The following DCC variants were observed in gnomAD, a reference collection of about 807,000 sequenced individuals.
DCC encodes the protein DCC netrin 1 receptor, also known as netrin receptor DCC.
DCC carries 58 observed loss-of-function variants against 172.5 expected under a neutral mutation model. That is an observed-to-expected ratio of 0.34 (90% CI 0.27 to 0.42). DCC has a LOEUF of 0.42. Among genes scored for constraint, DCC ranks in the 10% least tolerant of loss-of-function variants. DCC has a pLI of 1.00. For missense variants in DCC, 1,740 were observed against 1,791.0 expected (o/e 0.97, Z 0.51); for synonymous variants, 709 against 644.5 (o/e 1.10, Z -1.52).
intron 27 of DCC, among the ~76,000 whole-genome samples, chr18:53,516,114 GGAACAGAACAGAGCC>G (rs2046331217): frequency 6.7e-6 from 1 of 149,482 alleles, no homozygotes; most frequent in Non-Finnish European, 1.5e-5. Flanking sequence ...ATAGATCAAT[GGAACAGAACAGAGCC>G]CTCAGAAATA....
At chr18:53,066,351 G>GTA (rs2042566920) in intron 7 of DCC, among the ~76,000 whole-genome samples, 185 bp downstream of exon 7, 1 of 90,128 alleles carries the variant, frequency 1.1e-5, no homozygotes. Context: ...GTGTACATGT[G>GTA]TGTATATATA....
chr18:52,374,994 A>C (rs763175581), intron 1 of DCC, among the ~76,000 whole-genome samples: 6 of 152,298 alleles, frequency 3.9e-5, no homozygotes, highest in Admixed American at 3.9e-4. Flanking sequence ...ACTTGTCTAC[A>C]TGTCATTGCC....
intron 2 of DCC, among the ~76,000 whole-genome samples, chr18:52,788,973 C>T (rs2037711165): frequency 6.6e-6 from 1 of 152,080 alleles, no homozygotes; most frequent in South Asian, 2.1e-4. Flanking sequence ...ATTCTTATCT[C>T]TTGGGGGAGT....
intron 27 of DCC, among the ~76,000 whole-genome samples, chr18:53,503,837 A>ATATT (rs1467071138): frequency 6.6e-6 from 1 of 152,142 alleles, no homozygotes; most frequent in African/African-American, 2.4e-5. Flanking sequence ...CATAAGCACT[A>ATATT]TATTTTCCTT....
intron 1 of DCC, among the ~76,000 whole-genome samples, chr18:52,396,763 G>C (rs1986246201): frequency 6.6e-6 from 1 of 152,036 alleles, no homozygotes; most frequent in South Asian, 2.1e-4. Flanking sequence ...GTTGAACCTA[G>C]AGTTGATTCA....
intron 1 of DCC, among the ~76,000 whole-genome samples, chr18:52,706,042 A>G (rs2036204468): frequency 6.6e-6 from 1 of 152,186 alleles, no homozygotes; most frequent in Admixed American, 6.5e-5. Flanking sequence ...TGCTGACAGC[A>G]TTGTAGAAAC....
intron 1 of DCC, among the ~76,000 whole-genome samples, chr18:52,462,874 C>T (rs188772961): frequency 6.3e-5 from 9 of 142,106 alleles, no homozygotes; most frequent in East Asian, 4.1e-4. Flanking sequence ...GAATGAATGA[C>T]GGAAATGTCC....
At chr18:53,202,449 A>C (rs2055553408) in intron 9 of DCC, among the ~76,000 whole-genome samples, 1 of 152,192 alleles carries the variant, frequency 6.6e-6, no homozygotes, top group Non-Finnish European at 1.5e-5. Context: ...TTTTGCTTAT[A>C]GTCAAATGCT....
intron 1 of DCC, among the ~76,000 whole-genome samples, chr18:52,750,782 T>C (rs2036982383): frequency 6.6e-6 from 1 of 152,118 alleles, no homozygotes; most frequent in African/African-American, 2.4e-5. Flanking sequence ...TTACCTGCAA[T>C]TTAGATGCCT....
At chr18:52,938,271 A>G (rs2040410203) in intron 5 of DCC, among the ~76,000 whole-genome samples, 1 of 152,120 alleles carries the variant, frequency 6.6e-6, no homozygotes, top group African/African-American at 2.4e-5. Context: ...AGACATTAGA[A>G]CTTAATTAAG....
chr18:53,311,944 C>T (rs1464900737), intron 13 of DCC, among the ~76,000 whole-genome samples: 1 of 151,972 alleles, frequency 6.6e-6, no homozygotes, highest in Non-Finnish European at 1.5e-5. Flanking sequence ...GTGATTGTAT[C>T]AGTATTAAAA....
chr18:52,867,418 C>G (rs931440275), intron 2 of DCC, among the ~76,000 whole-genome samples: 1 of 152,162 alleles, frequency 6.6e-6, no homozygotes, highest in East Asian at 1.9e-4. Context: ...AAGATTCCCT[C>G]TTTTTCAATT....
chr18:52,783,016 CAA>C (rs2145189611), intron 2 of DCC, among the ~76,000 whole-genome samples: 1 of 152,130 alleles, frequency 6.6e-6, no homozygotes, highest in African/African-American at 2.4e-5. Context: ...AAGCTAAAAA[CAA>C]GAGATCATAC....
chr18:52,651,877 A>C (rs1297737115), intron 1 of DCC, among the ~76,000 whole-genome samples: 1 of 152,186 alleles, frequency 6.6e-6, no homozygotes, highest in Non-Finnish European at 1.5e-5. Context: ...GGAAGAAATT[A>C]ACTGGTTTAG....
chr18:53,384,044 T>G (rs1907963696), intron 15 of DCC, among the ~76,000 whole-genome samples: 1 of 152,174 alleles, frequency 6.6e-6, no homozygotes, highest in Non-Finnish European at 1.5e-5. Flanking sequence ...TAAAATATCT[T>G]TCCTTTAACT....
intron 1 of DCC, among the ~76,000 whole-genome samples, chr18:52,466,587 A>G (rs1988791388): frequency 6.6e-6 from 1 of 152,108 alleles, no homozygotes; most frequent in Non-Finnish European, 1.5e-5. Context: ...CTCTCAAAAG[A>G]TTTGCTGACC....
chr18:53,219,531 G>GCATTTAAATT (rs2055899993), intron 12 of DCC, among the ~76,000 whole-genome samples: 1 of 152,010 alleles, frequency 6.6e-6, no homozygotes, highest in Non-Finnish European at 1.5e-5. Flanking sequence ...GCAAATTGAT[G>GCATTTAAATT]GATTCCTCTC....
At chr18:53,351,437 TACAGTGTATATATATATATACAC>T (rs2057807945) in intron 15 of DCC, among the ~76,000 whole-genome samples, 1 of 58,840 alleles carries the variant, frequency 1.7e-5, no homozygotes, top group African/African-American at 1.0e-4. Context: ...TATATATATA[TACAGTGTATATATATATATACAC>T]AGTGTGTATA....
chr18:52,895,004 A>ATGAG (rs1216715347), intron 2 of DCC, among the ~76,000 whole-genome samples: 2 of 152,218 alleles, frequency 1.3e-5, no homozygotes, highest in African/African-American at 2.4e-5. Context: ...GACTGACTGA[A>ATGAG]TGAGTGGGTG....
Sources: gnomAD v4.1 joint callset for allele counts (sites outside exome capture counted in the v4.1 genomes callset) on GRCh38, gnomAD v4.1.1 for gene constraint, MANE v1.5 for transcripts, NCBI Gene and HGNC (gene_info 2026-07-23, HGNC 2026-07-21) for gene names.